Variants in ERBB4 observed in about 807,000 individuals in gnomAD.
The protein encoded by ERBB4 is receptor tyrosine-protein kinase erbB-4.
A neutral mutation model predicts 158.0 loss-of-function variants in ERBB4; 42 were observed. That is an observed-to-expected ratio of 0.27 (90% CI 0.21 to 0.34). The LOEUF (loss-of-function observed/expected upper bound fraction) is 0.34. Among genes scored for constraint, ERBB4 ranks in the 10% least tolerant of loss-of-function variants. The probability of loss-of-function intolerance (pLI) is 1.00; values close to 1 mark genes in which losing one functional copy is unlikely to be tolerated. For missense variants in ERBB4, 1,333 were observed against 1,624.1 expected (o/e 0.82, Z 3.08); for synonymous variants, 583 against 558.7 (o/e 1.04, Z -0.61).
chr2:212,404,389 C>T (rs1403123208), intron 1 of ERBB4, among the ~76,000 whole-genome samples: 1 of 152,002 alleles, frequency 6.6e-6, no homozygotes, highest in Non-Finnish European at 1.5e-5. Flanking sequence ...CACAGTGTCC[C>T]TCATTATTGA....
chr2:211,413,344 A>C (rs2125384232), intron 25 of ERBB4, among the ~76,000 whole-genome samples: 2 of 126,484 alleles, frequency 1.6e-5, no homozygotes, highest in South Asian at 2.4e-4. Flanking sequence ...ACACACACAC[A>C]CACATTGATA....
chr2:212,243,517 G>A (rs1049025964), intron 1 of ERBB4, among the ~76,000 whole-genome samples: 3 of 152,096 alleles, frequency 2.0e-5, no homozygotes, highest in Admixed American at 1.3e-4. Context: ...CTGCACAAAA[G>A]ATATAAAGAA....
At chr2:212,538,427 C>T (rs201770120) in intron 1 of ERBB4, 22 bp downstream of exon 1, 320 of 1,611,320 alleles carry the variant, frequency 2.0e-4, no homozygotes, top group Admixed American at 3.3e-4. Flanking sequence ...GTTCGGCGAC[C>T]GGAGTGCCAG....
intron 2 of ERBB4, among the ~76,000 whole-genome samples, chr2:212,122,885 A>G (rs2079800337): frequency 6.6e-6 from 1 of 152,154 alleles, no homozygotes; most frequent in African/African-American, 2.4e-5. Flanking sequence ...CGTACAGAAA[A>G]GTAAAGCAAA....
At chr2:211,416,379 C>T (rs1268276298) in intron 25 of ERBB4, among the ~76,000 whole-genome samples, 1 of 151,790 alleles carries the variant, frequency 6.6e-6, no homozygotes, top group Admixed American at 6.6e-5. Flanking sequence ...AACATGTAAT[C>T]GAAAATATTA....
At chr2:211,756,914 C>T (rs1209176280) in intron 4 of ERBB4, among the ~76,000 whole-genome samples, 1 of 152,172 alleles carries the variant, frequency 6.6e-6, no homozygotes, top group Non-Finnish European at 1.5e-5. Flanking sequence ...AGAGTTTATT[C>T]TTTGATTTGT....
At chr2:211,634,311 A>G (rs1331276163) in intron 16 of ERBB4, among the ~76,000 whole-genome samples, 1 of 152,082 alleles carries the variant, frequency 6.6e-6, no homozygotes, top group African/African-American at 2.4e-5. Flanking sequence ...CAATCTAAGT[A>G]CTTTTGTGTA....
At chr2:211,830,494 C>T (rs560614140) in intron 3 of ERBB4, among the ~76,000 whole-genome samples, 1 of 152,080 alleles carries the variant, frequency 6.6e-6, no homozygotes, top group Admixed American at 6.6e-5. Flanking sequence ...TAATTATTAG[C>T]CTTTAATTTG....
chr2:211,650,256 T>C lies in ERBB4; in HGVS notation c.1946+7498A>G, dbSNP rs565255317. On this transcript the variant is annotated intron_variant, in intron 16 of 27. Coordinates refer to ENST00000342788, the MANE Select transcript of ERBB4 (RefSeq NM_005235.3). The stretch of plus-strand genomic sequence containing the variant: ...AACTTTGATCTCTACTTAAGAAATC[T>C]TTTTGGTTAAGTATTGTTCATTTAT... Among the ~76,000 whole-genome samples, 20 of 152,174 alleles carry C rather than the reference T, an allele frequency of 1.3e-4. No homozygotes were observed. The South Asian group carries it at 2.7e-3, about 20-fold the overall frequency.
intron 2 of ERBB4, among the ~76,000 whole-genome samples, chr2:212,057,816 C>A (rs1006834017): frequency 6.6e-6 from 1 of 152,128 alleles, no homozygotes; most frequent in Non-Finnish European, 1.5e-5. Flanking sequence ...TAAATGCCCA[C>A]AAGAGAAAGC....
At chr2:211,650,680 C>A (rs1289922421) in intron 16 of ERBB4, among the ~76,000 whole-genome samples, 1 of 152,006 alleles carries the variant, frequency 6.6e-6, no homozygotes, top group Non-Finnish European at 1.5e-5. Flanking sequence ...TGGGCTGGAG[C>A]AGTGCAGTCC....
intron 4 of ERBB4, among the ~76,000 whole-genome samples, chr2:211,764,884 C>G (rs2075513868): frequency 6.6e-6 from 1 of 152,118 alleles, no homozygotes; most frequent in Admixed American, 6.6e-5. Flanking sequence ...ATCCATTAGG[C>G]AAAGATGTTG....
intron 3 of ERBB4, among the ~76,000 whole-genome samples, chr2:211,925,525 G>T (rs1300975583): frequency 2.0e-5 from 3 of 150,784 alleles, no homozygotes; most frequent in Non-Finnish European, 4.4e-5. Context: ...GGGATTACAG[G>T]CACCCGCCAC....
intron 12 of ERBB4, among the ~76,000 whole-genome samples, chr2:211,684,804 A>C (rs890616821): frequency 1.3e-5 from 2 of 152,164 alleles, no homozygotes; most frequent in Non-Finnish European, 2.9e-5. Flanking sequence ...GAGTTTCCAC[A>C]TCCTGATGAC....
intron 1 of ERBB4, among the ~76,000 whole-genome samples, chr2:212,168,175 A>T (rs972043712): frequency 1.3e-5 from 2 of 152,134 alleles, no homozygotes; most frequent in Non-Finnish European, 2.9e-5. Flanking sequence ...GCAGCCACTT[A>T]AACTGTTTTC....
At chr2:211,524,545 G>T (rs2066285631) in intron 20 of ERBB4, among the ~76,000 whole-genome samples, 1 of 152,152 alleles carries the variant, frequency 6.6e-6, no homozygotes, top group Admixed American at 6.5e-5. Context: ...CTAAGGCCCA[G>T]TGAGAAATCA....
chr2:211,828,759 T>C (rs1367489645), intron 3 of ERBB4, among the ~76,000 whole-genome samples: 1 of 152,044 alleles, frequency 6.6e-6, no homozygotes, highest in East Asian at 1.9e-4. Context: ...ACGGTCTACA[T>C]CTAGAGTCTG....
chr2:211,526,411 A>G (rs2066350200), intron 20 of ERBB4, among the ~76,000 whole-genome samples: 1 of 152,198 alleles, frequency 6.6e-6, no homozygotes, highest in Non-Finnish European at 1.5e-5. Flanking sequence ...TGAAAGAACA[A>G]GCACATTACT....
chr2:212,536,955 T>A (rs948751935), intron 1 of ERBB4, among the ~76,000 whole-genome samples: 1 of 152,044 alleles, frequency 6.6e-6, no homozygotes, highest in Non-Finnish European at 1.5e-5. Context: ...CCGCTTGGAA[T>A]GTCAAGTCCG....
Sources: gnomAD v4.1 joint callset for allele counts (sites outside exome capture counted in the v4.1 genomes callset) on GRCh38, gnomAD v4.1.1 for gene constraint, MANE v1.5 for transcripts, NCBI Gene and HGNC (gene_info 2026-07-23, HGNC 2026-07-21) for gene names.